Variants in XYLT1 observed in about 807,000 individuals in gnomAD.
XYLT1 encodes beta-D-xylosyltransferase 1.
A neutral mutation model predicts 91.3 loss-of-function variants in XYLT1; 36 were observed. The ratio of observed to expected loss-of-function variants is 0.39; its 90% CI spans 0.30 to 0.52. The LOEUF (loss-of-function observed/expected upper bound fraction) is 0.52. Ranked by LOEUF, XYLT1 falls within the 20% of genes least tolerant of loss-of-function variation. The probability of loss-of-function intolerance (pLI) is 0.68; values close to 1 mark genes in which losing one functional copy is unlikely to be tolerated. For synonymous variants in XYLT1, 588 were observed against 532.0 expected, an observed-to-expected ratio of 1.11 and a Z score of -1.45; for missense variants, 1,242 against 1,284.5, an observed-to-expected ratio of 0.97 and a Z score of 0.51.
At chr16:17,394,926 G>A (rs899202078) in intron 1 of XYLT1, among the ~76,000 whole-genome samples, 1 of 152,154 alleles carries the variant, frequency 6.6e-6, no homozygotes, top group African/African-American at 2.4e-5. Context: ...TTCAACACCA[G>A]CCTGAGCAAG....
chr16:17,305,053 G>A (rs1427482904), intron 2 of XYLT1, among the ~76,000 whole-genome samples: 1 of 152,086 alleles, frequency 6.6e-6, no homozygotes, highest in South Asian at 2.1e-4. Context: ...TGTGGGCCGG[G>A]GGTCATGTTT....
intron 1 of XYLT1, among the ~76,000 whole-genome samples, chr16:17,402,144 A>C (rs1014842345): frequency 7.5e-6 from 1 of 133,110 alleles, no homozygotes; most frequent in Non-Finnish European, 1.6e-5. Context: ...ACAAAAAAAA[A>C]AAACACACAC....
At chr16:17,444,232 A>G (rs1003747946) in intron 1 of XYLT1, among the ~76,000 whole-genome samples, 4 of 152,242 alleles carry the variant, frequency 2.6e-5, no homozygotes, top group Non-Finnish European at 5.9e-5. Flanking sequence ...CGTCTAATAC[A>G]CAGTGGTTTT....
At chr16:17,288,747 T>G (rs888922440) in intron 2 of XYLT1, among the ~76,000 whole-genome samples, 3 of 152,140 alleles carry the variant, frequency 2.0e-5, no homozygotes, top group African/African-American at 7.2e-5. Context: ...TTCCTCTCAG[T>G]TGAGATAATC....
At chr16:17,344,434 A>AGT (rs1355606877) in intron 2 of XYLT1, among the ~76,000 whole-genome samples, 1 of 149,616 alleles carries the variant, frequency 6.7e-6, no homozygotes, top group Admixed American at 6.7e-5. Context: ...TGGAGCTTGC[A>AGT]GTGAGCCGAG....
In XYLT1 at chr16:17,136,859, G is replaced by A. The variant is rs150819403; in HGVS notation, c.1764+1496C>T. Among the ~76,000 whole-genome samples, 9 of 152,166 alleles carry A rather than the reference G, an allele frequency of 5.9e-5. No individual in the cohort carries two copies. In the East Asian group the frequency reaches 1.7e-3, roughly 29 times the overall value. On this transcript the variant is annotated intron_variant, in intron 8 of 11. Coordinates refer to ENST00000261381, the MANE Select transcript of XYLT1 (RefSeq NM_022166.4). ...ACAATGTCCCCAGGATGCCGGGCTA[G>A]GATACAAATGCTTGTGCCTGGGGGA...
chr16:17,145,174 A>G (rs2031099329), intron 6 of XYLT1, among the ~76,000 whole-genome samples: 2 of 152,206 alleles, frequency 1.3e-5, no homozygotes, highest in South Asian at 2.1e-4. Flanking sequence ...TTCCAGGTTC[A>G]TCCATGCTGC....
rs538060998 is a variant in XYLT1, at chr16:17,195,427, T to C, written c.1289+2785A>G. ...TTTTTCTCCACACCCACATCTTCCTTTTTTTTTGTTGTTTTTTGTTTGTTT... is the reference window on the plus strand; with the variant it reads ...TTTTTCTCCACACCCACATCTTCCTCTTTTTTTGTTGTTTTTTGTTTGTTT... On this transcript the variant is annotated intron_variant, in intron 5 of 11. Coordinates refer to ENST00000261381, the MANE Select transcript of XYLT1 (RefSeq NM_022166.4). 4.6e-5 allele frequency among the ~76,000 whole-genome samples: 7 copies of C among 151,896 alleles called. No homozygotes were observed. The East Asian group carries it at 1.4e-3, about 29-fold the overall frequency.
At chr16:17,149,080 G>T (rs2031214665) in intron 6 of XYLT1, among the ~76,000 whole-genome samples, 1 of 152,188 alleles carries the variant, frequency 6.6e-6, no homozygotes, top group Non-Finnish European at 1.5e-5. Flanking sequence ...ACTCAGCTGA[G>T]CATCAAAGTA....
chr16:17,403,167 G>A (rs751505014), intron 1 of XYLT1, among the ~76,000 whole-genome samples: 2 of 152,116 alleles, frequency 1.3e-5, no homozygotes, highest in African/African-American at 4.8e-5. Context: ...GCAGGCCAGG[G>A]ATCACTCTAT....
intron 10 of XYLT1, among the ~76,000 whole-genome samples, chr16:17,121,411 C>T (rs1012038192): frequency 6.6e-6 from 1 of 152,184 alleles, no homozygotes; most frequent in Non-Finnish European, 1.5e-5. Context: ...CCTCCAAGAC[C>T]TTCTCAAGGG....
Position 17,435,119 on chromosome 16 carries a change from A to G in XYLT1, c.363+35315T>C, listed in dbSNP as rs560192720. Among the ~76,000 whole-genome samples, 4 of 152,306 alleles carry G rather than the reference A, an allele frequency of 2.6e-5. 1 individual carries two copies. The South Asian group carries it at 8.3e-4, about 32-fold the overall frequency. On this transcript the variant is annotated intron_variant, in intron 1 of 11. Transcript: ENST00000261381. Reference sequence around the variant, plus strand: ...GATGCCTGTAAGATGCCTTCTGCGTACATGGTTCAGGTCCGGCGTGGCACG... The same window carrying G: ...GATGCCTGTAAGATGCCTTCTGCGTGCATGGTTCAGGTCCGGCGTGGCACG...
intron 1 of XYLT1, among the ~76,000 whole-genome samples, chr16:17,407,444 T>C (rs1217686481): frequency 3.9e-5 from 6 of 152,234 alleles, no homozygotes; most frequent in Non-Finnish European, 8.8e-5. Context: ...AATCACTAAA[T>C]GTGGACACAT....
intron 10 of XYLT1, among the ~76,000 whole-genome samples, chr16:17,125,754 C>A (rs925838172): frequency 2.0e-5 from 3 of 152,108 alleles, no homozygotes; most frequent in Admixed American, 6.5e-5. Context: ...TTTTGTTTAT[C>A]TATTTGCTCA....
intron 1 of XYLT1, among the ~76,000 whole-genome samples, chr16:17,451,680 C>T (rs773660817): frequency 2.0e-5 from 3 of 152,170 alleles, no homozygotes; most frequent in Non-Finnish European, 4.4e-5. Context: ...AAAGTCAATT[C>T]CAAACCAACA....
chr16:17,375,898 C>T (rs1284513413), intron 1 of XYLT1, among the ~76,000 whole-genome samples: 2 of 152,344 alleles, frequency 1.3e-5, no homozygotes, highest in East Asian at 1.9e-4. Context: ...GGTGTCCCTA[C>T]GATGTATGTG....
intron 11 of XYLT1, among the ~76,000 whole-genome samples, chr16:17,111,015 C>T (rs144310283): frequency 7.2e-5 from 11 of 152,224 alleles, no homozygotes; most frequent in Non-Finnish European, 1.2e-4. Flanking sequence ...CAAAAATAAG[C>T]CGGGCGTGAT....
intron 1 of XYLT1, among the ~76,000 whole-genome samples, chr16:17,454,017 T>A (rs915541935): frequency 1.3e-5 from 2 of 152,208 alleles, no homozygotes; most frequent in African/African-American, 4.8e-5. Flanking sequence ...GCAAGACTAA[T>A]TATGAAAATA....
chr16:17,113,706 A>G (rs2141479917), intron 11 of XYLT1, among the ~76,000 whole-genome samples: 1 of 152,348 alleles, frequency 6.6e-6, no homozygotes, highest in Non-Finnish European at 1.5e-5. Context: ...CTGAACAGAC[A>G]GGGCTTGCTG....
Sources: gnomAD v4.1 joint callset for allele counts (sites outside exome capture counted in the v4.1 genomes callset) on GRCh38, gnomAD v4.1.1 for gene constraint, MANE v1.5 for transcripts, NCBI Gene and HGNC (gene_info 2026-07-23, HGNC 2026-07-21) for gene names.